PRIM2: variants seen among roughly 807,000 people sequenced by gnomAD.
The protein encoded by PRIM2 is DNA primase subunit 2.
Under a neutral mutation model 67.3 loss-of-function variants are expected in PRIM2, and 39 were observed. The observed-to-expected ratio is 0.58, with a 90% confidence interval of 0.45 to 0.76. PRIM2 has a LOEUF of 0.76. PRIM2 is among the 30% of genes least tolerant of loss of function. The probability of loss-of-function intolerance (pLI) is 0.00; values close to 1 mark genes in which losing one functional copy is unlikely to be tolerated. For synonymous variants in PRIM2, 143 were observed against 198.7 expected (o/e 0.72, Z 2.36); for missense variants, 398 against 598.7 (o/e 0.66, Z 3.50).
intron 8 of PRIM2, among the ~76,000 whole-genome samples, chr6:57,522,322 G>T (rs1295291945): frequency 2.9e-4 from 44 of 152,178 alleles, no homozygotes; most frequent in Admixed American, 5.2e-4. Context: ...TATTCTATAG[G>T]TATACCTAGT....
chr6:57,547,343 A>T (rs1775309597), intron 10 of PRIM2, among the ~76,000 whole-genome samples: 1 of 152,088 alleles, frequency 6.6e-6, no homozygotes, highest in Non-Finnish European at 1.5e-5. Context: ...CATCTCCCAG[A>T]TAGTGAGCAT....
At chr6:57,557,216 A>G (rs1461892767) in intron 10 of PRIM2, among the ~76,000 whole-genome samples, 14 of 137,550 alleles carry the variant, frequency 1.0e-4, no homozygotes, top group Non-Finnish European at 1.9e-4. Context: ...CAGTATGGCA[A>G]TTCCTCAAAG....
At chr6:57,537,243 T>C (rs1775019871) in intron 9 of PRIM2, among the ~76,000 whole-genome samples, 197 bp from the exon 10 acceptor site, 1 of 152,198 alleles carries the variant, frequency 6.6e-6, no homozygotes, top group Admixed American at 6.5e-5. Context: ...TTATATTAAC[T>C]TGTAACCAGT....
chr6:57,494,333 T>C (rs1773959856), intron 7 of PRIM2, among the ~76,000 whole-genome samples: 1 of 152,192 alleles, frequency 6.6e-6, no homozygotes, highest in Non-Finnish European at 1.5e-5. Flanking sequence ...TTAAAAAACT[T>C]ATGCAACCAG....
intron 5 of PRIM2, among the ~76,000 whole-genome samples, chr6:57,330,374 TGTTTTTTTG>T (rs1768016561): frequency 2.5e-5 from 3 of 121,674 alleles, no homozygotes; most frequent in African/African-American, 1.0e-4. Flanking sequence ...TTTGTTTTTT[TGTTTTTTTG>T]TTTTTTTTTT....
chr6:57,311,604 G>A (rs1767393594), upstream of PRIM2, among the ~76,000 whole-genome samples: 1 of 152,154 alleles, frequency 6.6e-6, no homozygotes, highest in Non-Finnish European at 1.5e-5. Context: ...AGGCAGAGAC[G>A]CTGCTCACTT....
At chr6:57,454,600 A>T (rs1772689588) in intron 7 of PRIM2, among the ~76,000 whole-genome samples, 4 of 152,116 alleles carry the variant, frequency 2.6e-5, no homozygotes, top group Admixed American at 2.0e-4. Flanking sequence ...CTCTGATGGT[A>T]GTTTGTATTT....
chr6:57,420,641 A>G (rs1771433152), intron 7 of PRIM2, among the ~76,000 whole-genome samples: 1 of 152,248 alleles, frequency 6.6e-6, no homozygotes, highest in African/African-American at 2.4e-5. Flanking sequence ...ATTAGAAGAT[A>G]AGGCAGCAAA....
At chr6:57,268,680 C>T in the PRIM2 span, among the ~76,000 whole-genome samples, 18 of 151,628 alleles carry the variant, frequency 1.2e-4, no homozygotes, top group South Asian at 8.4e-4. Context: ...ATGTGCACAA[C>T]GTGCAGGTTT....
chr6:57,418,465 C>T (rs1156381793), intron 7 of PRIM2, among the ~76,000 whole-genome samples: 1 of 127,940 alleles, frequency 7.8e-6, no homozygotes, highest in Admixed American at 9.6e-5. Flanking sequence ...GGCATAATCT[C>T]GGCTCACTAC....
chr6:57,628,016 G>A (rs1776982426), intron 12 of PRIM2, among the ~76,000 whole-genome samples: 1 of 152,094 alleles, frequency 6.6e-6, no homozygotes, highest in African/African-American at 2.4e-5. Flanking sequence ...ATTGCAATAT[G>A]CAAGAGGACC....
intron 7 of PRIM2, among the ~76,000 whole-genome samples, chr6:57,473,901 T>TA (rs1668911993): frequency 6.6e-6 from 1 of 152,100 alleles, no homozygotes; most frequent in African/African-American, 2.4e-5. Flanking sequence ...TGTTTGTTTT[T>TA]TTTTCTCTGT....
chr6:57,573,011 T>C (rs1581997297), intron 10 of PRIM2, among the ~76,000 whole-genome samples: 1 of 152,226 alleles, frequency 6.6e-6, no homozygotes, highest in Non-Finnish European at 1.5e-5. Flanking sequence ...GGCACAGTCA[T>C]AGAGTAACCT....
intron 12 of PRIM2, among the ~76,000 whole-genome samples, chr6:57,619,078 T>C (rs1776805790): frequency 6.6e-6 from 1 of 152,180 alleles, no homozygotes; most frequent in Non-Finnish European, 1.5e-5. Context: ...GAGAGACCCA[T>C]AGACGGTTCA....
chr6:57,456,985 T>G (rs1772812659), intron 7 of PRIM2, among the ~76,000 whole-genome samples: 1 of 152,208 alleles, frequency 6.6e-6, no homozygotes, highest in African/African-American at 2.4e-5. Flanking sequence ...GTTCTTTCTG[T>G]TTGTTAGTTT....
At chr6:57,460,098 G>A in intron 7 of PRIM2, among the ~76,000 whole-genome samples, 1 of 152,006 alleles carries the variant, frequency 6.6e-6, no homozygotes, top group Admixed American at 6.6e-5. Context: ...GTGGGGGCAG[G>A]AGCATATAAG....
rs1426766003 is a variant in PRIM2, at chr6:57,485,211, G to A, written c.694-22176G>A. ...ATACTTTCACATCCTTCTGGCCACC[G>A]TGGTTAGTCTAGGGCAGCTTGACCC... On this transcript the variant is annotated intron_variant, in intron 7 of 13. Transcript: ENST00000615550. Among the ~76,000 whole-genome samples, 12 of 151,958 alleles carry A rather than the reference G, an allele frequency of 7.9e-5. No homozygotes were observed. In the South Asian group the frequency reaches 1.9e-3, roughly 24 times the overall value.
chr6:57,641,038 G>C (rs1265780414), intron 13 of PRIM2, among the ~76,000 whole-genome samples: 34 of 151,914 alleles, frequency 2.2e-4, no homozygotes, highest in African/African-American at 7.5e-4. Context: ...TACCAAAACA[G>C]ATATATAGAC....
intron 7 of PRIM2, among the ~76,000 whole-genome samples, chr6:57,470,139 G>A (rs1773299818): frequency 1.3e-5 from 2 of 152,106 alleles, no homozygotes; most frequent in African/African-American, 4.8e-5. Context: ...AATAATGTAA[G>A]TAGATTAGTA....
Sources: allele counts gnomAD v4.1 joint callset (sites outside exome capture counted in the v4.1 genomes callset), GRCh38; gene constraint gnomAD v4.1.1; transcripts MANE v1.5; gene names NCBI Gene and HGNC (gene_info 2026-07-23, HGNC 2026-07-21).